Variants in COL23A1 observed in about 807,000 individuals in gnomAD.
COL23A1 encodes collagen alpha-1(XXIII) chain.
A neutral mutation model predicts 99.3 loss-of-function variants in COL23A1; 97 were observed. That is an observed-to-expected ratio of 0.98 (90% CI 0.83 to 1.16). The LOEUF is 1.16. Ranked by LOEUF, COL23A1 falls within the 50% of genes most tolerant of loss-of-function variation. COL23A1 has a pLI of 0.00. For missense variants in COL23A1, 762 were observed against 757.4 expected (o/e 1.01, Z -0.07); for synonymous variants, 320 against 308.2 (o/e 1.04, Z -0.40).
rs114783345 is a variant in COL23A1, at chr5:178,313,064, G to A, written c.362-6145C>T. On this transcript the variant is annotated intron_variant, in intron 2 of 28. Transcript: ENST00000390654. This position sits in a 1 kb window ranked among gnomAD's most constrained non-coding sequence, Gnocchi z 4.2. ...CTGCAGCATGATGGGCCTGGAGGACGTCACGCGATGGGAAGTAAGCCAGAC... is the reference window on the plus strand; with the variant it reads ...CTGCAGCATGATGGGCCTGGAGGACATCACGCGATGGGAAGTAAGCCAGAC... 1.3e-5 allele frequency among the ~76,000 whole-genome samples: 2 copies of A among 152,162 alleles called. No homozygotes were observed. Among genetic ancestry groups the A allele is most frequent in the Non-Finnish European group, 2.9e-5 (2 of 68,032 alleles).
At chr5:178,405,600 C>T (rs1478898907) in intron 2 of COL23A1, among the ~76,000 whole-genome samples, 1 of 152,168 alleles carries the variant, frequency 6.6e-6, no homozygotes, top group East Asian at 1.9e-4. Context: ...CTGAAAGCAT[C>T]CCCATTAAAG....
intron 2 of COL23A1, among the ~76,000 whole-genome samples, chr5:178,369,482 T>G (rs1007746313): frequency 3.3e-5 from 5 of 152,152 alleles, no homozygotes; most frequent in African/African-American, 1.2e-4. Context: ...ATTACAATAA[T>G]AAAGTTAGTC....
At chr5:178,291,067 G>A (rs1158049896) in intron 3 of COL23A1, among the ~76,000 whole-genome samples, 1 of 152,222 alleles carries the variant, frequency 6.6e-6, no homozygotes, top group African/African-American at 2.4e-5. Flanking sequence ...GGCTCACAGA[G>A]CAGCGACTTG....
intron 2 of COL23A1, among the ~76,000 whole-genome samples, chr5:178,407,364 T>C (rs1287761505): frequency 6.6e-6 from 1 of 152,226 alleles, no homozygotes; most frequent in Non-Finnish European, 1.5e-5. Flanking sequence ...GGGGGCCAGC[T>C]GAAGCACAAG....
intron 1 of COL23A1, among the ~76,000 whole-genome samples, chr5:178,585,906 C>A (rs1441152903): frequency 6.6e-6 from 1 of 152,196 alleles, no homozygotes; most frequent in Admixed American, 6.5e-5. Flanking sequence ...GGATGGCGAC[C>A]CTGTGACCTA....
chr5:178,469,613 C>T (rs1455312710), intron 2 of COL23A1, among the ~76,000 whole-genome samples: 1 of 152,094 alleles, frequency 6.6e-6, no homozygotes, highest in Non-Finnish European at 1.5e-5. Flanking sequence ...CCCCGGGCAG[C>T]TGGCAGCTGG....
intron 2 of COL23A1, among the ~76,000 whole-genome samples, chr5:178,371,087 C>A (rs151049271): frequency 3.9e-5 from 6 of 152,202 alleles, no homozygotes; most frequent in African/African-American, 1.4e-4. Context: ...ATGAGGTTGA[C>A]GTCTCTCTCT....
At chr5:178,320,732 G>A (rs998100077) in intron 2 of COL23A1, among the ~76,000 whole-genome samples, 1 of 152,224 alleles carries the variant, frequency 6.6e-6, no homozygotes. Context: ...GCTGAGGCCC[G>A]GCTTCCGCCA....
chr5:178,524,830 T>C (rs1156929450), intron 2 of COL23A1, among the ~76,000 whole-genome samples: 1 of 152,136 alleles, frequency 6.6e-6, no homozygotes, highest in African/African-American at 2.4e-5. Context: ...ACTCACTCAC[T>C]CACACACTCG....
At chr5:178,248,946 G>C (rs1006315061) in intron 19 of COL23A1, among the ~76,000 whole-genome samples, 171 bp downstream of exon 19, 1 of 152,232 alleles carries the variant, frequency 6.6e-6, no homozygotes, top group African/African-American at 2.4e-5. Flanking sequence ...GAGGCCGGGA[G>C]AGAGGAGGAC....
chr5:178,344,959 T>A (rs1760879605), intron 2 of COL23A1: 3 of 619,842 alleles, frequency 4.8e-6, no homozygotes. Context: ...CAGTGGTTGC[T>A]GAGACAGAAG....
At chr5:178,267,487 G>A (rs1270648538) in intron 7 of COL23A1, among the ~76,000 whole-genome samples, 154 bp from the exon 8 acceptor site, 4 of 152,158 alleles carry the variant, frequency 2.6e-5, no homozygotes, top group African/African-American at 7.2e-5. Context: ...CATTTCCAAC[G>A]AGGAAGCAGA....
intron 2 of COL23A1, among the ~76,000 whole-genome samples, chr5:178,416,629 A>C (rs760429489): frequency 1.1e-4 from 16 of 152,200 alleles, no homozygotes; most frequent in Non-Finnish European, 2.2e-4. Flanking sequence ...TGCTTTGTGA[A>C]CATTATCTCA....
At chr5:178,573,859 T>C (rs76613796) in intron 1 of COL23A1, among the ~76,000 whole-genome samples, 2 of 66,132 alleles carry the variant, frequency 3.0e-5, no homozygotes, top group Non-Finnish European at 6.1e-5. Context: ...CATAGGGTTC[T>C]TTTTTTTTTT....
intron 2 of COL23A1, among the ~76,000 whole-genome samples, chr5:178,348,831 T>G (rs935556933): frequency 1.3e-5 from 2 of 152,076 alleles, no homozygotes; most frequent in African/African-American, 2.4e-5. Flanking sequence ...GCCCAGCCAC[T>G]CTCTGCACAC....
chr5:178,409,205 A>T (rs2910134), intron 2 of COL23A1, among the ~76,000 whole-genome samples: 96,500 of 151,954 alleles, frequency 0.64, 30,978 homozygotes, highest in Middle Eastern at 0.77. Context: ...CTGTGGTATA[A>T]CCGCACCATA....
At chr5:178,377,687 G>A (rs10073512) in intron 2 of COL23A1, among the ~76,000 whole-genome samples, 15,684 of 152,052 alleles carry the variant, frequency 0.1, 1,622 homozygotes, top group African/African-American at 0.27. Flanking sequence ...GCGTGGAGGT[G>A]GTGTGGACAA....
intron 2 of COL23A1, among the ~76,000 whole-genome samples, chr5:178,394,060 G>A (rs1475791026): frequency 6.6e-6 from 1 of 152,158 alleles, no homozygotes; most frequent in Non-Finnish European, 1.5e-5. Context: ...TGCTCAGTGT[G>A]GCCACAGACT....
chr5:178,267,387 A>G, intron 7 of COL23A1, 54 bp from the exon 8 acceptor site: 1 of 1,591,528 alleles, frequency 6.3e-7, no homozygotes, highest in Non-Finnish European at 8.6e-7. Flanking sequence ...GTTTCTTCAC[A>G]TTTCCCGTCG....
Sources: allele counts gnomAD v4.1 joint callset (sites outside exome capture counted in the v4.1 genomes callset), GRCh38; gene constraint gnomAD v4.1.1; non-coding constraint Gnocchi (gnomAD v3.1); transcripts MANE v1.5; gene names NCBI Gene and HGNC (gene_info 2026-07-23, HGNC 2026-07-21).